SH3BGRL: variants seen among roughly 807,000 people sequenced by gnomAD.
SH3BGRL encodes SH3 domain binding glutamate rich protein like.
Under a neutral mutation model 9.8 loss-of-function variants are expected in SH3BGRL, and 7 were observed. The ratio of observed to expected loss-of-function variants is 0.72; its 90% CI spans 0.41 to 1.35. SH3BGRL has a LOEUF of 1.35. Ranked by LOEUF, SH3BGRL falls within the 40% of genes most tolerant of loss-of-function variation. The probability of loss-of-function intolerance (pLI) is 0.01; values close to 1 mark genes in which losing one functional copy is unlikely to be tolerated. For synonymous variants in SH3BGRL, 36 were observed against 29.1 expected (o/e 1.24, Z -0.76); for missense variants, 73 against 84.4 (o/e 0.86, Z 0.53).
At chrX:81,226,172 AC>A (rs1448333761) in intron 1 of SH3BGRL, among the ~76,000 whole-genome samples, 1 of 110,763 alleles carries the variant, frequency 9.0e-6, no homozygotes, top group African/African-American at 3.3e-5. Flanking sequence ...TTAAAATTAA[AC>A]CAAAATGTGG....
At chrX:81,285,400 C>A (rs1322390753) in intron 3 of SH3BGRL, among the ~76,000 whole-genome samples, 6 of 111,266 alleles carry the variant, frequency 5.4e-5, no homozygotes, top group African/African-American at 2.0e-4. Flanking sequence ...AAATTGGTAC[C>A]CCTTTTTGAA....
intron 1 of SH3BGRL, among the ~76,000 whole-genome samples, chrX:81,274,410 A>T (rs1156801625): frequency 9.0e-6 from 1 of 110,563 alleles, no homozygotes; most frequent in African/African-American, 3.3e-5. Flanking sequence ...CAGGAGTTCG[A>T]GACCAGCCTG....
chrX:81,247,549 A>G (rs1325751256), intron 1 of SH3BGRL, among the ~76,000 whole-genome samples: 1 of 112,011 alleles, frequency 8.9e-6, no homozygotes, highest in African/African-American at 3.2e-5. Context: ...CTTTTTCTGC[A>G]TCTATTGAGA....
intron 1 of SH3BGRL, among the ~76,000 whole-genome samples, chrX:81,207,207 A>G (rs1402504516): frequency 1.8e-5 from 2 of 112,171 alleles, no homozygotes; most frequent in Non-Finnish European, 3.8e-5. Flanking sequence ...TCTCCATTTC[A>G]TGGCATCTAT....
chrX:81,236,750 GT>G (rs778943417), intron 1 of SH3BGRL, among the ~76,000 whole-genome samples: 11 of 111,977 alleles, frequency 9.8e-5, no homozygotes, highest in African/African-American at 3.6e-4. Context: ...AAGTGGCAGT[GT>G]TTGGAATTAG....
At chrX:81,248,208 T>C (rs1323894253) in intron 1 of SH3BGRL, among the ~76,000 whole-genome samples, 1 of 111,547 alleles carries the variant, frequency 9.0e-6, no homozygotes, top group Non-Finnish European at 1.9e-5. Flanking sequence ...TTGTCTTTGT[T>C]AATCTAGATA....
intron 1 of SH3BGRL, among the ~76,000 whole-genome samples, chrX:81,209,010 T>G (rs1602591658): frequency 2.9e-5 from 3 of 101,969 alleles, no homozygotes; most frequent in African/African-American, 7.2e-5. Flanking sequence ...AAGTTTTTTT[T>G]TTTTTTTTTT....
chrX:81,258,111 C>T (rs1484977301), intron 1 of SH3BGRL, among the ~76,000 whole-genome samples: 2 of 111,047 alleles, frequency 1.8e-5, no homozygotes. Flanking sequence ...CTGCTGAAAT[C>T]AGAGCAAATA....
intron 1 of SH3BGRL, among the ~76,000 whole-genome samples, chrX:81,212,343 C>G (rs1306090847): frequency 9.0e-6 from 1 of 111,272 alleles, no homozygotes; most frequent in Non-Finnish European, 1.9e-5. Context: ...TGCCAGGTAA[C>G]AAGACAAACA....
intron 1 of SH3BGRL, among the ~76,000 whole-genome samples, chrX:81,222,463 G>A (rs2075603035): frequency 9.2e-6 from 1 of 108,896 alleles, no homozygotes; most frequent in Non-Finnish European, 1.9e-5. Flanking sequence ...GAGAATGATG[G>A]TTTCCAGTTT....
At chrX:81,235,427 T>C (rs775727564) in intron 1 of SH3BGRL, among the ~76,000 whole-genome samples, 1 of 110,261 alleles carries the variant, frequency 9.1e-6, no homozygotes, top group South Asian at 3.9e-4. Context: ...TAGTTGAGTA[T>C]CGGAAAAGTG....
At chrX:81,267,729 G>A (rs1364541982) in intron 1 of SH3BGRL, among the ~76,000 whole-genome samples, 1 of 111,873 alleles carries the variant, frequency 8.9e-6, no homozygotes, top group African/African-American at 3.3e-5. Context: ...CATAAAATGA[G>A]TCAGGTAGGA....
At chrX:81,226,952 A>G (rs2147677062) in intron 1 of SH3BGRL, among the ~76,000 whole-genome samples, 1 of 112,142 alleles carries the variant, frequency 8.9e-6, no homozygotes, top group Non-Finnish European at 1.9e-5. Flanking sequence ...GTGATTTGTT[A>G]GAATGACAAT....
chrX:81,252,627 A>G (rs1413461482), intron 1 of SH3BGRL, among the ~76,000 whole-genome samples: 1 of 112,024 alleles, frequency 8.9e-6, no homozygotes, highest in Non-Finnish European at 1.9e-5. Context: ...GCTAAAAAAA[A>G]ATTCCAAAAA....
chrX:81,253,691 G>A (rs2075717462), intron 1 of SH3BGRL, among the ~76,000 whole-genome samples: 1 of 112,172 alleles, frequency 8.9e-6, no homozygotes, highest in African/African-American at 3.2e-5. Context: ...GACAAGAGCT[G>A]GACACTTTAT....
At chrX:81,235,440 T>C (rs1435472641) in intron 1 of SH3BGRL, among the ~76,000 whole-genome samples, 1 of 110,325 alleles carries the variant, frequency 9.1e-6, no homozygotes. Context: ...GAAAAGTGAA[T>C]ATGGAAACTT....
intron 3 of SH3BGRL, among the ~76,000 whole-genome samples, chrX:81,291,351 A>G (rs975915392): frequency 9.0e-6 from 1 of 111,291 alleles, no homozygotes; most frequent in African/African-American, 3.3e-5. Flanking sequence ...AAGCAAGCAC[A>G]TCTACACTTG....
chrX:81,258,404 A>T (rs1471962765), intron 1 of SH3BGRL, among the ~76,000 whole-genome samples: 1 of 112,349 alleles, frequency 8.9e-6, no homozygotes. Flanking sequence ...TAAACTAGGA[A>T]TCCAGAAGTG....
chrX:81,217,381 T>G (rs2075584707), intron 1 of SH3BGRL, among the ~76,000 whole-genome samples: 1 of 110,770 alleles, frequency 9.0e-6, no homozygotes, highest in Non-Finnish European at 1.9e-5. Context: ...TTTCAGACTT[T>G]TTGATGTAGG....
Sources: allele counts gnomAD v4.1 joint callset (sites outside exome capture counted in the v4.1 genomes callset), GRCh38; gene constraint gnomAD v4.1.1; transcripts MANE v1.5; gene names NCBI Gene and HGNC (gene_info 2026-07-23, HGNC 2026-07-21).